The following GATA5 variants were observed in gnomAD, a reference collection of about 807,000 sequenced individuals.
GATA5 encodes transcription factor GATA-5.
Under a neutral mutation model 35.0 loss-of-function variants are expected in GATA5, and 27 were observed. That is an observed-to-expected ratio of 0.77 (90% CI 0.57 to 1.06). The LOEUF is 1.06. GATA5 is among the 50% of genes least tolerant of loss of function. The pLI is 0.00. For missense variants in GATA5, 612 were observed against 580.0 expected, an observed-to-expected ratio of 1.06 and a Z score of -0.57; for synonymous variants, 306 against 267.8, an observed-to-expected ratio of 1.14 and a Z score of -1.39.
chr20:62,473,387 C>T lies in GATA5; in HGVS notation c.699+16G>A, dbSNP rs377441586. 8.6e-4 allele frequency: 1,369 copies of T among 1,594,742 alleles called. No homozygotes were observed. Among genetic ancestry groups the T allele is most frequent in the Non-Finnish European group, 1.0e-3 (1,222 of 1,171,796 alleles). On this transcript the variant is annotated intron_variant, in intron 3 of 6. Coordinates refer to ENST00000252997, the MANE Select transcript of GATA5 (RefSeq NM_080473.5). ...AGCACTGCGCCCAGGCGCCCCTCTG[C>T]CCAGCCCGAACTCACCAGGCGCTTC... is the stretch of plus-strand genomic sequence containing the variant.
In GATA5 at chr20:62,464,852, G is replaced by C. The variant is rs782198035; in HGVS notation, c.1178C>G (p.Ala393Gly). Residue 393 changes from alanine (A) to glycine (G), a missense_variant, in exon 7 of 7, where the codon GCG becomes GGG. Transcript: ENST00000252997. Reference protein sequence around the residue: ...RGALRQEAWCALALA With the variant: ...RGALRQEAWCGLALA ...CCTGGGGACCTAGGCCAAGGCCAGCGCACACCAGGCCTCTTGGCGCAGAGC... is the reference window on the plus strand; with the variant it reads ...CCTGGGGACCTAGGCCAAGGCCAGCCCACACCAGGCCTCTTGGCGCAGAGC... 5.6e-6 allele frequency: 9 copies of C among 1,604,996 alleles called. No individual in the cohort carries two copies. Among genetic ancestry groups the C allele is most frequent in the Non-Finnish European group, 6.8e-6 (8 of 1,175,522 alleles).
At chr20:62,467,450 C>T (rs1197569394) in intron 3 of GATA5, among the ~76,000 whole-genome samples, 2 of 152,218 alleles carry the variant, frequency 1.3e-5, no homozygotes, top group Admixed American at 6.5e-5. Context: ...AGCCCTTTCC[C>T]GAATCTCAGA....
At chr20:62,466,646 G>A (rs1008218527) in intron 3 of GATA5, 95 bp from the exon 4 acceptor site, 9 of 1,399,716 alleles carry the variant, frequency 6.4e-6, no homozygotes, top group Admixed American at 6.3e-5. Flanking sequence ...TTGCGGCCAC[G>A]CAGGACCCGG....
rs1555896960 is a variant in GATA5, at chr20:62,475,018, TG to T, written c.503del (p.Pro168GlnfsTer52). 5.8e-6 allele frequency: 8 copies of T among 1,368,054 alleles called. No homozygotes were observed. The highest frequency in any genetic ancestry group is 6.6e-6 in the Non-Finnish European group (7 of 1,056,052). The allele number at this position is 1,368,054 out of a possible 1,614,324, so 84.7% of individuals were successfully genotyped here. Reference protein sequence around the residue: ...PFDGSVLHGLPGRRPTFVSDF... With the variant: ...PFDGSVLHGLXGRRPTFVSDF... ...ACTCACCGAAGGTGGGCCTGCGGCC[TG>T]GGAGGCCGTGCAGGACGCTGCCATC... is the stretch of plus-strand genomic sequence containing the variant. On this transcript the variant is annotated frameshift_variant, in exon 2 of 7. Coordinates refer to ENST00000252997, the MANE Select transcript of GATA5 (RefSeq NM_080473.5). LOFTEE classifies it high-confidence loss of function.
chr20:62,465,253 C>T, intron 6 of GATA5, 87 bp downstream of exon 6: 1 of 1,381,486 alleles, frequency 7.2e-7, no homozygotes, highest in South Asian at 1.4e-5. Flanking sequence ...CTGGAAGAGG[C>T]TCCGAGGGGC....
intron 3 of GATA5, among the ~76,000 whole-genome samples, chr20:62,472,507 G>A (rs782522793): frequency 1.3e-5 from 2 of 152,186 alleles, no homozygotes; most frequent in Non-Finnish European, 2.9e-5. Flanking sequence ...GATCGACCCC[G>A]CACGGAGTCC....
rs1555895751 is a variant in GATA5, at chr20:62,464,288, G to A, written c.*548C>T. ...TCCGATCCCTGGCAGTCCTGCACCT[G>A]TTGCGGGAAAAGTTCTCTGCACCAC... On this transcript the variant is annotated 3_prime_UTR_variant, in exon 7 of 7. Coordinates refer to ENST00000252997, the MANE Select transcript of GATA5 (RefSeq NM_080473.5). 2 of 152,338 alleles carry A rather than the reference G, an allele frequency of 1.3e-5. No homozygotes were observed. Among genetic ancestry groups the A allele is most frequent in the African/African-American group, 4.8e-5 (2 of 41,458 alleles). 9.4% of individuals were successfully genotyped at this position (152,338 alleles called of 1,614,324 possible). A position where few individuals can be genotyped will look rare whatever the true frequency, so the allele number is the denominator to read the frequency against.
chr20:62,465,044 G>T, intron 6 of GATA5, 53 bp from the exon 7 acceptor site: 1 of 1,061,162 alleles, frequency 9.4e-7, no homozygotes, highest in Non-Finnish European at 1.4e-6. Context: ...GGCGTGGGGG[G>T]CTGGGGGAAG....
chr20:62,471,538 C>T (rs574355843), intron 3 of GATA5, among the ~76,000 whole-genome samples: 185 of 146,644 alleles, frequency 1.3e-3, no homozygotes, highest in African/African-American at 4.5e-3. Context: ...TCAAAAGATC[C>T]TCCTGCCTCA....
rs1417973933 is a variant in GATA5, at chr20:62,464,896, G to A, written c.1134C>T (p.Pro378=). The change falls in exon 7 of 7, where the codon CCC becomes CCT. Residue 378 remains proline, a synonymous_variant. Transcript: ENST00000252997. Reference sequence around the variant, plus strand: ...GCAGAGCCCCCCTGAGGCCAGCCTGGGGGCTTGGGGCCGTGGAGGGGAAGG... The same window carrying A: ...GCAGAGCCCCCCTGAGGCCAGCCTGAGGGCTTGGGGCCGTGGAGGGGAAGG... The part of the protein sequence containing the change: ...DFAFPSTAPS[P]QAGLRGALRQ... 1.9e-6 allele frequency: 3 copies of A among 1,611,066 alleles called. No homozygotes were observed. The highest frequency in any genetic ancestry group is 2.5e-6 in the Non-Finnish European group (3 of 1,179,086).
In GATA5 at chr20:62,473,514, G is replaced by A; in HGVS notation, c.588C>T (p.Ser196=). 1.2e-6 allele frequency: 2 copies of A among 1,608,756 alleles called. No individual in the cohort carries two copies. The highest frequency in any genetic ancestry group is 1.7e-6 in the Non-Finnish European group (2 of 1,178,176). Residue 196 remains serine (S), a synonymous_variant, in exon 3 of 7, where the codon TCC becomes TCT. Transcript: ENST00000252997. ...GRECVNCGAL[S]TPLWRRDGTG... is the part of the protein sequence containing the mutation. ...TGCCGTCTCGGCGCCACAGCGGTGTGGACAGGGCCCCGCAGTTGACACACT... is the reference window on the plus strand; with the variant it reads ...TGCCGTCTCGGCGCCACAGCGGTGTAGACAGGGCCCCGCAGTTGACACACT...
At chr20:62,472,677 GGGGAAACGTA>G (rs1468191608) in intron 3 of GATA5, among the ~76,000 whole-genome samples, 1 of 152,208 alleles carries the variant, frequency 6.6e-6, no homozygotes, top group Admixed American at 6.5e-5. Context: ...AGGTTTGCCT[GGGGAAACGTA>G]TAGAACAAAG....
In GATA5 at chr20:62,475,287, T is replaced by G; in HGVS notation, c.235A>C (p.Ser79Arg). Residue 79 changes from serine to arginine, a missense_variant, in exon 2 of 7, where the codon AGT (serine) becomes CGT (arginine). By Grantham distance (110) the Ser-to-Arg change is moderately radical. Coordinates refer to ENST00000252997, the MANE Select transcript of GATA5 (RefSeq NM_080473.5). ...TADSSAFGPGSPHPPAAHPPG... is the reference protein window; with the variant it reads ...TADSSAFGPGRPHPPAAHPPG... ...GGGTGCGCGGCTGGGGGGTGCGGAC[T>G]GCCCGGGCCGAAGGCCGACGAATCC... The G allele has an allele frequency of 1.6e-6, 2 of 1,243,488 alleles. No individual in the cohort carries two copies. The highest frequency in any genetic ancestry group is 2.0e-6 in the Non-Finnish European group (2 of 993,842). 77.0% of individuals were successfully genotyped at this position (1,243,488 alleles called of 1,614,324 possible).
At chr20:62,465,530 T>C (rs1989562867) in intron 5 of GATA5, 66 bp from the exon 6 acceptor site, 2 of 1,552,774 alleles carry the variant, frequency 1.3e-6, no homozygotes, top group Non-Finnish European at 8.7e-7. Context: ...TCCTGCCATG[T>C]AGCGGGTCTC....
chr20:62,470,122 G>A lies in GATA5; in HGVS notation c.699+3281C>T, dbSNP rs577119493. Among the ~76,000 whole-genome samples, 74 of 152,260 alleles carry A rather than the reference G, an allele frequency of 4.9e-4. No homozygotes were observed. Among genetic ancestry groups the A allele is most frequent in the Non-Finnish European group, 7.8e-4 (53 of 68,046 alleles). ...AAGCCTCCTTGCGCGCAGCAGAGCC[G>A]CTCTAAGCACCAGGCTCTGTGTGCA... On this transcript the variant is annotated intron_variant, in intron 3 of 6. Transcript: ENST00000252997. The surrounding 1 kb of genome is among the most constrained non-coding windows in gnomAD (Gnocchi z 4.6).
In GATA5 at chr20:62,475,279, G is replaced by A. The variant is rs1034727380; in HGVS notation, c.243C>T (p.His81=). The change falls in exon 2 of 7, where the codon CAC becomes CAT. Residue 81 remains histidine, a synonymous_variant. Transcript: ENST00000252997. The stretch of plus-strand genomic sequence containing the variant: ...CCCCGGGCGGGTGCGCGGCTGGGGG[G>A]TGCGGACTGCCCGGGCCGAAGGCCG... ...DSSAFGPGSP[H]PPAAHPPGAT... is the part of the protein sequence containing the mutation. 4.8e-6 allele frequency: 6 copies of A among 1,245,972 alleles called. No individual in the cohort carries two copies. Among genetic ancestry groups the A allele is most frequent in the Non-Finnish European group, 6.0e-6 (6 of 995,224 alleles). 77.2% of individuals were successfully genotyped at this position (1,245,972 alleles called of 1,614,324 possible). A position where few individuals can be genotyped will look rare whatever the true frequency, so the allele number is the denominator to read the frequency against.
At position 62,470,802 on chromosome 20, in the gene GATA5, C is replaced by T. The variant is rs1254532204; in HGVS notation, c.699+2601G>A. Among the ~76,000 whole-genome samples, 2 of 152,136 alleles carry T rather than the reference C, an allele frequency of 1.3e-5. No homozygotes were observed. Among genetic ancestry groups the T allele is most frequent in the African/African-American group, 4.8e-5 (2 of 41,412 alleles). ...TCCCAACCGTGTCCGAGCACAGAGC[C>T]AGACCATGGGGAGAGGGCACGGTGG... On this transcript the variant is annotated intron_variant, in intron 3 of 6. Coordinates refer to ENST00000252997, the MANE Select transcript of GATA5 (RefSeq NM_080473.5). The surrounding 1 kb of genome is among the most constrained non-coding windows in gnomAD (Gnocchi z 4.6).
In GATA5 at chr20:62,464,910, T is replaced by C; in HGVS notation, c.1120A>G (p.Thr374Ala). 1.9e-6 allele frequency: 3 copies of C among 1,610,580 alleles called. No homozygotes were observed. The highest frequency in any genetic ancestry group is 2.5e-6 in the Non-Finnish European group (3 of 1,178,918). Residue 374 changes from threonine to alanine, a missense_variant, in exon 7 of 7, where the codon ACG (threonine) becomes GCG (alanine). Thr to Ala is a moderately conservative substitution (Grantham distance 58). Coordinates refer to ENST00000252997, the MANE Select transcript of GATA5 (RefSeq NM_080473.5). ...AGGCCAGCCTGGGGGCTTGGGGCCG[T>C]GGAGGGGAAGGCAAAGTCCTCAGGC... The part of the protein sequence containing the change: ...FEPEDFAFPS[T>A]APSPQAGLRG...
intron 6 of GATA5, 75 bp downstream of exon 6, chr20:62,465,265 C>A (rs1989552029): frequency 6.8e-7 from 1 of 1,468,932 alleles, no homozygotes; most frequent in East Asian, 2.3e-5. Context: ...CCGAGGGGCT[C>A]TGATGGGATC....
Sources: gnomAD v4.1 joint callset for allele counts (sites outside exome capture counted in the v4.1 genomes callset) on GRCh38, gnomAD v4.1.1 for gene constraint, Gnocchi (gnomAD v3.1) non-coding constraint, MANE v1.5 for transcripts, NCBI Gene and HGNC (gene_info 2026-07-23, HGNC 2026-07-21) for gene names.